Variants in PITPNM3 observed in about 807,000 individuals in gnomAD.
PITPNM3 encodes the protein PITPNM family member 3.
In PITPNM3, 26 loss-of-function variants were observed where a neutral mutation model predicts 102.0. The observed-to-expected ratio is 0.25, with a 90% CI of 0.19 to 0.35. PITPNM3 has a LOEUF of 0.35. Ranked by LOEUF, PITPNM3 falls within the 10% of genes least tolerant of loss-of-function variation. PITPNM3 has a pLI of 1.00. For synonymous variants in PITPNM3, 578 were observed against 558.6 expected, an observed-to-expected ratio of 1.03 and a Z score of -0.49; for missense variants, 1,083 against 1,346.1, an observed-to-expected ratio of 0.80 and a Z score of 3.06.
intron 14 of PITPNM3, among the ~76,000 whole-genome samples, chr17:6,467,841 C>A (rs997225902): frequency 3.3e-5 from 5 of 152,372 alleles, no homozygotes; most frequent in African/African-American, 4.8e-5. Flanking sequence ...TTGTCTTAAT[C>A]TGTACCTTCC....
intron 4 of PITPNM3, among the ~76,000 whole-genome samples, chr17:6,502,378 G>A (rs1342675315): frequency 2.6e-5 from 4 of 152,172 alleles, no homozygotes; most frequent in Admixed American, 6.5e-5. Flanking sequence ...ATTTGAGCCC[G>A]GGAAGCTCAA....
chr17:6,538,660 G>A (rs912755639), intron 1 of PITPNM3, among the ~76,000 whole-genome samples: 3 of 152,148 alleles, frequency 2.0e-5, no homozygotes, highest in Admixed American at 6.6e-5. Context: ...AGGCACACAC[G>A]TCCTGTCCCT....
At chr17:6,530,662 C>T (rs1021565780) in intron 2 of PITPNM3, among the ~76,000 whole-genome samples, 3 of 152,178 alleles carry the variant, frequency 2.0e-5, no homozygotes, top group South Asian at 2.1e-4. Flanking sequence ...CAGTGCCAGA[C>T]GTGCCCTGAG....
intron 1 of PITPNM3, among the ~76,000 whole-genome samples, chr17:6,540,221 C>T (rs1311013313): frequency 6.6e-6 from 1 of 152,214 alleles, no homozygotes; most frequent in Non-Finnish European, 1.5e-5. Flanking sequence ...ATTCCACAGA[C>T]ACTGTGTTGG....
At chr17:6,527,385 C>A (rs1448411903) in intron 2 of PITPNM3, among the ~76,000 whole-genome samples, 1 of 152,140 alleles carries the variant, frequency 6.6e-6, no homozygotes, top group Non-Finnish European at 1.5e-5. Context: ...TTGTTGTGAG[C>A]ATTAAGTGAG....
Position 6,519,594 on chromosome 17 carries a change from C to T in PITPNM3, c.226+5762G>A, listed in dbSNP as rs183043241. ...CCTGTAATCCTAGCACTTTGGGAGGCCAAGTCGGGCAGATCACTTGAGGTC... is the reference window on the plus strand; with the variant it reads ...CCTGTAATCCTAGCACTTTGGGAGGTCAAGTCGGGCAGATCACTTGAGGTC... On this transcript the variant is annotated intron_variant, in intron 3 of 19. Transcript: ENST00000262483. Among the ~76,000 whole-genome samples, 739 of 151,674 alleles carry T rather than the reference C, an allele frequency of 4.9e-3. 10 individuals are homozygous for T. The highest frequency in any genetic ancestry group is 0.017 in the African/African-American group (704 of 41,334).
In PITPNM3 at chr17:6,470,341, G is replaced by A. The variant is rs1905005279; in HGVS notation, c.1692C>T (p.Ala564=). The A allele has an allele frequency of 6.2e-7, 1 of 1,614,018 alleles. No homozygotes were observed. The highest frequency in any genetic ancestry group is 1.1e-5 in the South Asian group (1 of 91,074). The part of the protein sequence containing the change: ...YALYCPDVLT[A]FPTVALPHLF... ...GGTGGGGCAGGGCCACGGTGGGGAA[G>A]GCCGTGAGGACATCAGGGCAGTACA... Residue 564 remains alanine, a synonymous_variant, in exon 13 of 20, where the codon GCC becomes GCT. Coordinates refer to ENST00000262483, the MANE Select transcript of PITPNM3 (RefSeq NM_031220.4). This position sits in a 1 kb window ranked among gnomAD's most constrained non-coding sequence, Gnocchi z 4.8.
In PITPNM3 at chr17:6,500,001, G is replaced by A. The variant is rs141690086; in HGVS notation, c.274+3526C>T. 7.6e-4 allele frequency among the ~76,000 whole-genome samples: 116 copies of A among 152,318 alleles called. No homozygotes were observed. The East Asian group carries it at 0.021, about 28-fold the overall frequency. On this transcript the variant is annotated intron_variant, in intron 4 of 19. Transcript: ENST00000262483. ...CTGCCTCGGTCTGCCAAAGTGCTGG[G>A]ACTACAGGCATGAGCCACCGCACCT...
rs117002681 is a variant in PITPNM3 at position 6,497,009 on chromosome 17, C to T, written c.274+6518G>A. On this transcript the variant is annotated intron_variant, in intron 4 of 19. Coordinates refer to ENST00000262483, the MANE Select transcript of PITPNM3 (RefSeq NM_031220.4). ...GCACACACACACAAACGAGAAGGAA[C>T]GATGCCAAGCAGAGACACACACACA... 0.013 allele frequency among the ~76,000 whole-genome samples: 2,039 copies of T among 152,126 alleles called. 81 individuals are homozygous for T. The East Asian group carries it at 0.16, about 12-fold the overall frequency.
chr17:6,519,575 A>G (rs1005980286), intron 3 of PITPNM3, among the ~76,000 whole-genome samples: 2 of 151,846 alleles, frequency 1.3e-5, no homozygotes, highest in African/African-American at 4.8e-5. Context: ...CACACCTGTA[A>G]TCCTAGCACT....
chr17:6,532,025 G>C (rs1182254400), intron 2 of PITPNM3, among the ~76,000 whole-genome samples: 1 of 151,930 alleles, frequency 6.6e-6, no homozygotes, highest in Non-Finnish European at 1.5e-5. Flanking sequence ...AGAATCACTT[G>C]AACCTGGGAG....
At chr17:6,515,962 CT>C (rs1184479583) in intron 3 of PITPNM3, among the ~76,000 whole-genome samples, 1 of 152,176 alleles carries the variant, frequency 6.6e-6, no homozygotes, top group East Asian at 1.9e-4. Context: ...CGGAGGATCG[CT>C]TGAGCCTAGG....
chr17:6,486,990 C>T (rs1906134069), intron 4 of PITPNM3, among the ~76,000 whole-genome samples: 1 of 152,166 alleles, frequency 6.6e-6, no homozygotes, highest in African/African-American at 2.4e-5. Flanking sequence ...GCTGCCAGGC[C>T]CCTTTCCACC....
At chr17:6,482,806 G>A (rs532579029) in intron 6 of PITPNM3, among the ~76,000 whole-genome samples, 1 of 152,252 alleles carries the variant, frequency 6.6e-6, no homozygotes, top group East Asian at 1.9e-4. Context: ...TGTGTTGACT[G>A]TTATGGTGTG....
chr17:6,482,040 G>GTCTCTCTCTCTCTC lies in PITPNM3; in HGVS notation c.587+1463_587+1476dup, dbSNP rs56855120. ...TCTCTCTCTCTCTCTCTCTCTGTCTGTCTCTCTCTCTCTCTCTCTCTCTCT... is the reference window on the plus strand; with the variant it reads ...TCTCTCTCTCTCTCTCTCTCTGTCTGTCTCTCTCTCTCTCTCTCTCTCTCTCTCTCTCTCTCTCT... On this transcript the variant is annotated intron_variant, in intron 6 of 19. Coordinates refer to ENST00000262483, the MANE Select transcript of PITPNM3 (RefSeq NM_031220.4). Among the ~76,000 whole-genome samples, 8 of 55,186 alleles carry GTCTCTCTCTCTCTC rather than the reference G, an allele frequency of 1.4e-4. 1 individual carries two copies. The highest frequency in any genetic ancestry group is 1.9e-4 in the Non-Finnish European group (4 of 20,800). 36.2% of individuals were successfully genotyped at this position (55,186 alleles called of 152,430 possible).
At chr17:6,460,878 G>A (rs1455228227) in intron 18 of PITPNM3, 1 of 243,688 alleles carries the variant, frequency 4.1e-6, no homozygotes, top group Non-Finnish European at 8.1e-6. Context: ...GTGGCAGGAG[G>A]AGGCAGGGCA....
At chr17:6,465,020 T>G (rs1336947290) in intron 14 of PITPNM3, among the ~76,000 whole-genome samples, 1 of 152,176 alleles carries the variant, frequency 6.6e-6, no homozygotes, top group Non-Finnish European at 1.5e-5. Context: ...GCTTTCGTGT[T>G]TTTTGTTTGA....
At chr17:6,475,500 C>A (rs1486971723) in intron 9 of PITPNM3, among the ~76,000 whole-genome samples, 1 of 152,222 alleles carries the variant, frequency 6.6e-6, no homozygotes, top group African/African-American at 2.4e-5. Flanking sequence ...ATCATGTGGA[C>A]AAGTGCCCCA....
intron 9 of PITPNM3, among the ~76,000 whole-genome samples, chr17:6,475,027 C>T (rs1034934791): frequency 3.9e-5 from 6 of 152,196 alleles, no homozygotes; most frequent in Admixed American, 6.5e-5. Flanking sequence ...AGGCCTGCCT[C>T]GTCATGCTGG....
Sources: allele counts gnomAD v4.1 joint callset (sites outside exome capture counted in the v4.1 genomes callset), GRCh38; gene constraint gnomAD v4.1.1; non-coding constraint Gnocchi (gnomAD v3.1); transcripts MANE v1.5; gene names NCBI Gene and HGNC (gene_info 2026-07-23, HGNC 2026-07-21).